ITLN2: variants seen among roughly 807,000 people sequenced by gnomAD.
ITLN2 encodes the protein intelectin 2, also known as intelectin-2.
A neutral mutation model predicts 39.4 loss-of-function variants in ITLN2; 29 were observed. The observed-to-expected ratio is 0.74, with a 90% CI of 0.55 to 1.00. The LOEUF (loss-of-function observed/expected upper bound fraction) is 1.00, where lower values mean the gene tolerates loss of function less well. ITLN2 is among the 50% of genes least tolerant of loss of function. The pLI is 0.00. For synonymous variants in ITLN2, 156 were observed against 153.4 expected, an observed-to-expected ratio of 1.02 and a Z score of -0.12; for missense variants, 412 against 416.7, an observed-to-expected ratio of 0.99 and a Z score of 0.10.
intron 2 of ITLN2, 115 bp downstream of exon 2, chr1:160,954,272 G>A (rs1671814710): frequency 1.2e-6 from 1 of 815,824 alleles, no homozygotes; most frequent in South Asian, 1.8e-5. Context: ...TGCCTCTCCA[G>A]AACTTCCCCT....
At chr1:160,948,091 T>A (rs978702010) in intron 6 of ITLN2, 59 bp from the exon 7 acceptor site, 2 of 1,412,896 alleles carry the variant, frequency 1.4e-6, no homozygotes, top group Non-Finnish European at 2.0e-6. Flanking sequence ...AGAAGCAGCA[T>A]CCCATTGGCC....
In ITLN2 at chr1:160,954,438, T is replaced by C. The variant is rs1671818314; in HGVS notation, c.28A>G (p.Arg10Gly). Reference sequence around the variant, plus strand: ...GAGAAGAATAACAGGAAGCAGAGTCTGGTCATTGTCCTCTAAGGAAAAACA... The same window carrying C: ...GAGAAGAATAACAGGAAGCAGAGTCCGGTCATTGTCCTCTAAGGAAAAACA... MLSMLRTMT[R>G]LCFLLFFSVA... Residue 10 changes from arginine (R) to glycine (G), a missense_variant, in exon 2 of 8, where the codon AGA becomes GGA. Physicochemically the swap from Arg to Gly is moderately radical, Grantham distance 125 (BLOSUM62 -2). Coordinates refer to ENST00000368029, the MANE Select transcript of ITLN2 (RefSeq NM_080878.3). The C allele has an allele frequency of 2.5e-6, 4 of 1,580,662 alleles. No individual in the cohort carries two copies. The East Asian group carries it at 6.8e-5, about 27-fold the overall frequency.
At chr1:160,953,171 G>A (rs944386985) in intron 2 of ITLN2, among the ~76,000 whole-genome samples, 4 of 152,048 alleles carry the variant, frequency 2.6e-5, no homozygotes, top group Admixed American at 2.6e-4. Flanking sequence ...AAAGGGGAGA[G>A]TACACCCCAG....
intron 2 of ITLN2, 114 bp from the exon 3 acceptor site, chr1:160,952,847 A>G: frequency 1.4e-6 from 1 of 733,340 alleles, no homozygotes; most frequent in Non-Finnish European, 2.3e-6. Context: ...CCAGGAGGTC[A>G]GGGATTCCCT....
At chr1:160,951,400 C>A in intron 3 of ITLN2, 110 bp from the exon 4 acceptor site, 2 of 1,397,586 alleles carry the variant, frequency 1.4e-6, no homozygotes, top group Admixed American at 2.5e-5. Context: ...AAGACTCCAA[C>A]ACATACTTGC....
intron 6 of ITLN2, chr1:160,949,809 G>A (rs1671697322): frequency 2.1e-6 from 1 of 482,754 alleles, no homozygotes; most frequent in South Asian, 2.9e-5. Flanking sequence ...GAGTATACAA[G>A]GTGGTGATGA....
At position 160,950,269 on chromosome 1, in the gene ITLN2, C is replaced by T; in HGVS notation, c.601-103G>A. On this transcript the variant is annotated intron_variant, in intron 5 of 7. Transcript: ENST00000368029. Reference sequence around the variant, plus strand: ...TTAACTGCCATTACCCAAAACCAATCCTCATAATAGTGACTGCTTTTCCCC... The same window carrying T: ...TTAACTGCCATTACCCAAAACCAATTCTCATAATAGTGACTGCTTTTCCCC... 4 of 1,257,156 alleles carry T rather than the reference C, an allele frequency of 3.2e-6. No individual in the cohort carries two copies. In the South Asian group the frequency reaches 5.2e-5, roughly 16 times the overall value. The allele number at this position is 1,257,156 out of a possible 1,614,324, so 77.9% of individuals were successfully genotyped here.
In ITLN2 at chr1:160,954,398, C is replaced by A; in HGVS notation, c.68G>T (p.Gly23Val). 6.4e-7 allele frequency: 1 copy of A among 1,574,382 alleles called. No individual in the cohort carries two copies. Among genetic ancestry groups the A allele is most frequent in the East Asian group, 2.3e-5 (1 of 43,816 alleles). ...FLLFFSVATSGCSAAAASSLE... is the reference protein window; with the variant it reads ...FLLFFSVATSVCSAAAASSLE... ...CAGAAGCCATTTACCTGCACTGCACCCACTGGTGGCCACAGAGAAGAATAA... is the reference window on the plus strand; with the variant it reads ...CAGAAGCCATTTACCTGCACTGCACACACTGGTGGCCACAGAGAAGAATAA... The change falls in exon 2 of 8, where the codon GGG becomes GTG. Residue 23 changes from glycine to valine, a missense_variant. Physicochemically the swap from Gly to Val is moderately radical, Grantham distance 109. Coordinates refer to ENST00000368029, the MANE Select transcript of ITLN2 (RefSeq NM_080878.3).
intron 2 of ITLN2, 131 bp downstream of exon 2, chr1:160,954,256 G>T: frequency 1.4e-6 from 1 of 710,374 alleles, no homozygotes; most frequent in Non-Finnish European, 2.3e-6. Context: ...CCTAGCCTGG[G>T]TTCCCTGCCT....
rs138813691 is a variant in ITLN2, at chr1:160,947,199, G to C, written c.825+730C>G. ...TGTATCATGAATAAGTTCAAGGAAA[G>C]GTACTGTGCCCGGATGTGCACATAG... is the stretch of plus-strand genomic sequence containing the variant. On this transcript the variant is annotated intron_variant, in intron 7 of 7. Transcript: ENST00000368029. Among the ~76,000 whole-genome samples the C allele has an allele frequency of 3.3e-3, 504 of 152,322 alleles. 11 individuals carry two copies. In the East Asian group the frequency reaches 0.064, roughly 19 times the overall value.
chr1:160,948,908 AC>A (rs1671668776), intron 6 of ITLN2: 1 of 152,196 alleles, frequency 6.6e-6, no homozygotes, highest in Non-Finnish European at 1.5e-5. Flanking sequence ...AGACACAGCG[AC>A]AAAGTATAGA....
intron 6 of ITLN2, among the ~76,000 whole-genome samples, chr1:160,948,242 G>C (rs761911698): frequency 6.6e-6 from 1 of 152,128 alleles, no homozygotes; most frequent in Non-Finnish European, 1.5e-5. Context: ...TGTTCATAGG[G>C]GGCAAGAGGA....
chr1:160,954,335 C>T, intron 2 of ITLN2, 52 bp downstream of exon 2: 1 of 1,342,652 alleles, frequency 7.4e-7, no homozygotes, highest in Non-Finnish European at 1.0e-6. Flanking sequence ...AGGCCCTGCA[C>T]AGCAGAGGGG....
At chr1:160,947,256 C>G (rs1671626592) in intron 7 of ITLN2, among the ~76,000 whole-genome samples, 1 of 152,212 alleles carries the variant, frequency 6.6e-6, no homozygotes, top group Admixed American at 6.5e-5. Context: ...ACCCAAACAT[C>G]TCAGTGTAGC....
intron 5 of ITLN2, 26 bp downstream of exon 5, chr1:160,950,527 G>GC (rs1234862206): frequency 5.0e-6 from 8 of 1,607,738 alleles, no homozygotes; most frequent in Non-Finnish European, 6.8e-6. Flanking sequence ...CAAAGAAAGT[G>GC]CCCCCCAGCC....
rs761824816 is a variant in ITLN2 at position 160,952,692 on chromosome 1, T to C, written c.121A>G (p.Thr41Ala). The C allele has an allele frequency of 6.2e-7, 1 of 1,614,080 alleles. No homozygotes were observed. Residue 41 changes from threonine (T) to alanine (A), a missense_variant, in exon 3 of 8, where the codon ACC (threonine) becomes GCC (alanine). Coordinates refer to ENST00000368029, the MANE Select transcript of ITLN2 (RefSeq NM_080878.3). ...SLEMLSREFE[T>A]CAFSFSSLPR... ...AGGGAAGAAAAGGAGAAGGCACAGG[T>C]TTCGAATTCCCTCGAGAGCATCTCA... is the stretch of plus-strand genomic sequence containing the variant.
At chr1:160,950,945 C>G in intron 4 of ITLN2, 98 bp downstream of exon 4, 1 of 1,599,476 alleles carries the variant, frequency 6.3e-7, no homozygotes, top group Non-Finnish European at 8.6e-7. Context: ...TCCAGCCCTT[C>G]CCCATATCCC....
intron 7 of ITLN2, among the ~76,000 whole-genome samples, chr1:160,946,487 G>A (rs928920431): frequency 3.3e-5 from 5 of 152,066 alleles, no homozygotes; most frequent in East Asian, 3.9e-4. Flanking sequence ...CGAGACGGGC[G>A]GATCACGAGG....
rs1326456095 is a variant in ITLN2 at position 160,950,571 on chromosome 1, A to C, written c.582T>G (p.Asn194Lys). The C allele has an allele frequency of 6.2e-7, 1 of 1,613,990 alleles. No homozygotes were observed. The highest frequency in any genetic ancestry group is 8.5e-7 in the Non-Finnish European group (1 of 1,179,978). ...NTGFLQRLGHNLFGIYQKYPV... is the reference protein window; with the variant it reads ...NTGFLQRLGHKLFGIYQKYPV... ...TGTGTACCTGGTAGATGCCAAACAG[A>C]TTATGTCCCAGTCTCTGGAGGAAGC... The change falls in exon 5 of 8, where the codon AAT (asparagine) becomes AAG (lysine). Residue 194 changes from asparagine to lysine, a missense_variant. Asn to Lys is a moderately conservative substitution (Grantham distance 94). Coordinates refer to ENST00000368029, the MANE Select transcript of ITLN2 (RefSeq NM_080878.3).
Sources: allele counts gnomAD v4.1 joint callset (sites outside exome capture counted in the v4.1 genomes callset), GRCh38; gene constraint gnomAD v4.1.1; transcripts MANE v1.5; gene names NCBI Gene and HGNC (gene_info 2026-07-23, HGNC 2026-07-21).